Variants in CNTNAP4 observed in about 807,000 individuals in gnomAD.
CNTNAP4 encodes contactin-associated protein-like 4.
In CNTNAP4, 98 loss-of-function variants were observed where a neutral mutation model predicts 148.4. The observed-to-expected ratio is 0.66, with a 90% CI of 0.56 to 0.78. The LOEUF (loss-of-function observed/expected upper bound fraction) is 0.78. CNTNAP4 is among the 30% of genes least tolerant of loss of function. The probability of loss-of-function intolerance (pLI) is 0.00; values close to 1 mark genes in which losing one functional copy is unlikely to be tolerated. For missense variants in CNTNAP4, 1,935 were observed against 1,565.6 expected, an observed-to-expected ratio of 1.24 and a Z score of -3.98; for synonymous variants, 730 against 565.1, an observed-to-expected ratio of 1.29 and a Z score of -4.14.
At chr16:76,405,503 G>GTATTTTT (rs371582396) in intron 3 of CNTNAP4, among the ~76,000 whole-genome samples, 4 of 152,242 alleles carry the variant, frequency 2.6e-5, no homozygotes, top group African/African-American at 9.6e-5. Context: ...TTTGTATTTT[G>GTATTTTT]TATATGAGTT....
At chr16:76,446,501 A>T (rs989727631) in intron 4 of CNTNAP4, among the ~76,000 whole-genome samples, 5 of 152,208 alleles carry the variant, frequency 3.3e-5, no homozygotes, top group Admixed American at 2.0e-4. Context: ...ATGTATTGTT[A>T]GGTTACTGGT....
At chr16:76,309,832 G>T (rs894409938) in intron 1 of CNTNAP4, 35 of 700,172 alleles carry the variant, frequency 5.0e-5, no homozygotes, top group East Asian at 2.7e-4. Context: ...TTGCTCAGGG[G>T]TTTCCGCTTT....
At chr16:76,498,524 A>T (rs1277704546) in intron 14 of CNTNAP4, 43 bp from the exon 15 acceptor site, 2 of 1,580,278 alleles carry the variant, frequency 1.3e-6, no homozygotes, top group South Asian at 2.4e-5. Flanking sequence ...AATAAGGACT[A>T]TTAAAAGTTC....
At chr16:76,546,578 C>G (rs1009152967) in intron 21 of CNTNAP4, among the ~76,000 whole-genome samples, 1 of 152,216 alleles carries the variant, frequency 6.6e-6, no homozygotes, top group Non-Finnish European at 1.5e-5. Flanking sequence ...AGGGCTCTCA[C>G]TGATTCTACA....
intron 3 of CNTNAP4, among the ~76,000 whole-genome samples, chr16:76,382,924 T>C (rs140039653): frequency 1.0e-3 from 155 of 152,288 alleles, no homozygotes; most frequent in African/African-American, 3.6e-3. Context: ...TTGAAAAGAA[T>C]TTCACTGGCC....
chr16:76,550,739 T>C (rs1201780007), intron 21 of CNTNAP4, among the ~76,000 whole-genome samples: 1 of 152,116 alleles, frequency 6.6e-6, no homozygotes, highest in Non-Finnish European at 1.5e-5. Context: ...TAAATCTACA[T>C]ATATTCAAAT....
chr16:76,462,812 C>T (rs953848559), intron 9 of CNTNAP4, among the ~76,000 whole-genome samples: 17 of 152,236 alleles, frequency 1.1e-4, no homozygotes, highest in African/African-American at 2.4e-5. Flanking sequence ...AGCAGTAAGA[C>T]TCACTTCTAA....
chr16:76,428,479 C>A (rs989209111), intron 4 of CNTNAP4, among the ~76,000 whole-genome samples: 1 of 151,288 alleles, frequency 6.6e-6, no homozygotes, highest in Non-Finnish European at 1.5e-5. Context: ...TTCATACATA[C>A]GCTGTCACTT....
At chr16:76,458,149 A>C (rs1209313003) in intron 8 of CNTNAP4, among the ~76,000 whole-genome samples, 1 of 152,172 alleles carries the variant, frequency 6.6e-6, no homozygotes, top group Non-Finnish European at 1.5e-5. Context: ...ATCGCTACAT[A>C]ATATTCTGTG....
At chr16:76,556,706 C>T (rs887580722) in intron 23 of CNTNAP4, among the ~76,000 whole-genome samples, 8 of 152,120 alleles carry the variant, frequency 5.3e-5, no homozygotes, top group African/African-American at 1.9e-4. Flanking sequence ...TATGTAACAA[C>T]AAATATTCTG....
chr16:76,541,542 C>G (rs1004630571), intron 21 of CNTNAP4, among the ~76,000 whole-genome samples: 3 of 152,084 alleles, frequency 2.0e-5, no homozygotes, highest in African/African-American at 4.8e-5. Context: ...TTTATTCCTA[C>G]TCTGGTATTT....
At chr16:76,522,736 CTTTTCTTTT>C (rs1344402894) in intron 17 of CNTNAP4, among the ~76,000 whole-genome samples, 2 of 70,632 alleles carry the variant, frequency 2.8e-5, no homozygotes, top group Non-Finnish European at 2.8e-5. Context: ...CTTTTCTTTT[CTTTTCTTTT>C]CTTTTCTTTT....
At chr16:76,280,695 A>G (rs976272129) in intron 1 of CNTNAP4, among the ~76,000 whole-genome samples, 2 of 152,160 alleles carry the variant, frequency 1.3e-5, no homozygotes, top group African/African-American at 4.8e-5. Context: ...ATCAAAGTTT[A>G]GAGACGGATC....
intron 3 of CNTNAP4, among the ~76,000 whole-genome samples, chr16:76,383,511 G>A (rs556698998): frequency 1.0e-3 from 157 of 151,908 alleles, no homozygotes; most frequent in African/African-American, 3.6e-3. Context: ...AAAGAAAAAG[G>A]AAGAGTGATC....
At chr16:76,555,976 A>G (rs900015346) in intron 23 of CNTNAP4, among the ~76,000 whole-genome samples, 1 of 152,214 alleles carries the variant, frequency 6.6e-6, no homozygotes, top group Non-Finnish European at 1.5e-5. Context: ...ATCGTCCTCC[A>G]GTGTGTTACA....
intron 4 of CNTNAP4, among the ~76,000 whole-genome samples, chr16:76,445,323 T>A (rs1995652): frequency 1.3e-5 from 2 of 151,998 alleles, no homozygotes; most frequent in Non-Finnish European, 2.9e-5. Flanking sequence ...ACTTAGTTGT[T>A]TACTTGCTAA....
chr16:76,401,939 C>CTTGCACTGTA (rs1324030077), intron 3 of CNTNAP4, among the ~76,000 whole-genome samples: 1 of 152,064 alleles, frequency 6.6e-6, no homozygotes, highest in East Asian at 1.9e-4. Context: ...CTGGATTCAG[C>CTTGCACTGTA]TTGCAAGTAT....
chr16:76,288,133 G>A (rs181839322), intron 1 of CNTNAP4, among the ~76,000 whole-genome samples: 182 of 152,144 alleles, frequency 1.2e-3, no homozygotes, highest in Middle Eastern at 3.4e-3. Flanking sequence ...TCTTGTTATA[G>A]TGAATGAGAT....
intron 3 of CNTNAP4, among the ~76,000 whole-genome samples, chr16:76,389,338 A>G (rs1171934908): frequency 1.3e-5 from 2 of 152,206 alleles, no homozygotes; most frequent in East Asian, 1.9e-4. Flanking sequence ...TCTGAAACTA[A>G]TGTCAAATCA....
Sources: gnomAD v4.1 joint callset for allele counts (sites outside exome capture counted in the v4.1 genomes callset) on GRCh38, gnomAD v4.1.1 for gene constraint, MANE v1.5 for transcripts, NCBI Gene and HGNC (gene_info 2026-07-23, HGNC 2026-07-21) for gene names.